Variants in AHRR observed in about 807,000 individuals in gnomAD.
The protein encoded by AHRR is ahR repressor.
Under a neutral mutation model 44.0 loss-of-function variants are expected in AHRR, and 28 were observed. That is an observed-to-expected ratio of 0.64 (90% CI 0.47 to 0.87). AHRR has a LOEUF of 0.87. Ranked by LOEUF, AHRR falls within the 40% of genes least tolerant of loss-of-function variation. The pLI is 0.00. For missense variants in AHRR, 990 were observed against 953.9 expected, an observed-to-expected ratio of 1.04 and a Z score of -0.50; for synonymous variants, 434 against 407.0, an observed-to-expected ratio of 1.07 and a Z score of -0.80.
At chr5:367,171 T>TG (rs1017173758) in intron 3 of AHRR, among the ~76,000 whole-genome samples, 19 of 152,332 alleles carry the variant, frequency 1.2e-4, no homozygotes, top group African/African-American at 4.3e-4. Flanking sequence ...AGTGAGTCCC[T>TG]GGGGGGTCGC....
intron 5 of AHRR, chr5:421,165 C>T: frequency 1.7e-6 from 1 of 585,458 alleles, no homozygotes; most frequent in Non-Finnish European, 3.0e-6. Context: ...TGGGAGGCCG[C>T]TCTGGCGCCC....
intron 4 of AHRR, among the ~76,000 whole-genome samples, chr5:379,527 T>C (rs1733892576): frequency 6.6e-6 from 1 of 152,258 alleles, no homozygotes; most frequent in Non-Finnish European, 1.5e-5. Context: ...TATTACTTTT[T>C]TCAAAGCCAT....
In AHRR at chr5:350,722, C is replaced by G. The variant is rs546850859; in HGVS notation, c.63-3008C>G. On this transcript the variant is annotated intron_variant, in intron 2 of 10. Transcript: ENST00000684583. ...AGGTCCAGGTCATCCCCAATTCTCC[C>G]GCCTATTTACATCTTGGCTAGCAGC... 4.0e-5 allele frequency among the ~76,000 whole-genome samples: 6 copies of G among 151,834 alleles called. No individual in the cohort carries two copies. The East Asian group carries it at 1.2e-3, about 29-fold the overall frequency.
intron 4 of AHRR, among the ~76,000 whole-genome samples, chr5:386,540 C>A (rs1471679274): frequency 1.3e-5 from 2 of 152,214 alleles, no homozygotes; most frequent in Non-Finnish European, 2.9e-5. Context: ...TGGCCCTGAG[C>A]CAAGGTGTGG....
intron 8 of AHRR, among the ~76,000 whole-genome samples, chr5:431,015 C>T (rs889916457): frequency 5.3e-5 from 8 of 152,234 alleles, no homozygotes; most frequent in East Asian, 3.8e-4. Context: ...ACAGGGACCA[C>T]GCAAACCCTG....
chr5:406,943 A>C lies in AHRR; in HGVS notation c.352-6401A>C, dbSNP rs1440171666. ...TAGGGCACCAGTTATTGAAAAGCCT[A>C]TCTCTGTCCCAGTGATTTGAGGTGA... On this transcript the variant is annotated intron_variant, in intron 4 of 10. Transcript: ENST00000684583. This position sits in a 1 kb window ranked among gnomAD's most constrained non-coding sequence, Gnocchi z 4.7. Among the ~76,000 whole-genome samples, 3 of 152,242 alleles carry C rather than the reference A, an allele frequency of 2.0e-5. No individual in the cohort carries two copies. Among genetic ancestry groups the C allele is most frequent in the Non-Finnish European group, 4.4e-5 (3 of 68,050 alleles).
intron 1 of AHRR, among the ~76,000 whole-genome samples, chr5:323,196 A>G (rs1741567300): frequency 6.6e-6 from 1 of 152,238 alleles, no homozygotes; most frequent in Non-Finnish European, 1.5e-5. Context: ...TGTCCCAGGC[A>G]GAGAAGAACG....
intron 4 of AHRR, among the ~76,000 whole-genome samples, chr5:377,173 G>A (rs1455577199): frequency 6.6e-6 from 1 of 152,146 alleles, no homozygotes; most frequent in Non-Finnish European, 1.5e-5. Context: ...AAGCTCTGTG[G>A]TGAGGGGGCT....
chr5:362,793 C>A (rs1743225639), intron 3 of AHRR, among the ~76,000 whole-genome samples: 1 of 152,246 alleles, frequency 6.6e-6, no homozygotes, highest in Non-Finnish European at 1.5e-5. Flanking sequence ...CCAAGAAGAG[C>A]AGGGGCTCAT....
At position 404,089 on chromosome 5, in the gene AHRR, T is replaced by A; in HGVS notation, c.352-9255T>A. On this transcript the variant is annotated intron_variant, in intron 4 of 10. Transcript: ENST00000684583. This position sits in a 1 kb window ranked among gnomAD's most constrained non-coding sequence, Gnocchi z 4.1. ...TCCAGCGTTTGAAGAAAAAGTCAGTTCCGTTGTCAGGGTTGGTCCAGGTTT... is the reference window on the plus strand; with the variant it reads ...TCCAGCGTTTGAAGAAAAAGTCAGTACCGTTGTCAGGGTTGGTCCAGGTTT... The A allele has an allele frequency of 1.6e-6, 1 of 629,886 alleles. No homozygotes were observed. The highest frequency in any genetic ancestry group is 3.0e-6 in the Non-Finnish European group (1 of 335,406). 39.0% of individuals were successfully genotyped at this position (629,886 alleles called of 1,614,324 possible).
intron 1 of AHRR, among the ~76,000 whole-genome samples, chr5:322,935 G>C (rs1043355862): frequency 1.3e-5 from 2 of 152,222 alleles, no homozygotes; most frequent in African/African-American, 4.8e-5. Flanking sequence ...GAACAGACAC[G>C]AGTTTTACCA....
intron 2 of AHRR, among the ~76,000 whole-genome samples, chr5:352,940 C>T (rs1038491552): frequency 6.6e-5 from 10 of 152,034 alleles, no homozygotes; most frequent in African/African-American, 2.4e-4. Flanking sequence ...AATGGGTCAG[C>T]TGTAGGGGAT....
intron 1 of AHRR, among the ~76,000 whole-genome samples, chr5:325,937 C>T (rs896343178): frequency 1.3e-5 from 2 of 151,860 alleles, no homozygotes; most frequent in Non-Finnish European, 2.9e-5. Flanking sequence ...CACCAGCCAC[C>T]ACGCCTGGCT....
In AHRR at chr5:353,762, C is replaced by A. The variant is rs374899705; in HGVS notation, c.95C>A (p.Pro32His). The A allele has an allele frequency of 2.5e-6, 4 of 1,612,820 alleles. No individual in the cohort carries two copies. Among genetic ancestry groups the A allele is most frequent in the Admixed American group, 3.3e-5 (2 of 59,976 alleles). ...GCCGTGGGGGCAGAGAAGTCCAACC[C>A]CTCCAAGCGACACCGGGACCGCCTC... ...RPAVGAEKSNPSKRHRDRLNA... is the reference protein window; with the variant it reads ...RPAVGAEKSNHSKRHRDRLNA... The change falls in exon 3 of 11, where the codon CCC becomes CAC. Residue 32 changes from proline to histidine, a missense_variant. Pro to His is a moderately conservative substitution (Grantham distance 77, BLOSUM62 -2). Coordinates refer to ENST00000684583, the MANE Select transcript of AHRR (RefSeq NM_001377236.1).
At chr5:345,396 C>G (rs1230911263) in intron 2 of AHRR, among the ~76,000 whole-genome samples, 6 of 58,916 alleles carry the variant, frequency 1.0e-4, no homozygotes, top group South Asian at 5.0e-4. Flanking sequence ...GTGTGTGTGT[C>G]GGATGATGTC....
rs1742332062 is a variant in AHRR, at chr5:341,036, G to C, written c.-10-2857G>C. Among the ~76,000 whole-genome samples the C allele has an allele frequency of 2.0e-5, 3 of 147,056 alleles. No homozygotes were observed. In the South Asian group the frequency reaches 6.5e-4, roughly 32 times the overall value. On this transcript the variant is annotated intron_variant, in intron 1 of 10. Transcript: ENST00000684583. ...TTTTCTTTTCTTTTCTTTTTTTTAG[G>C]CCAAATCTCGCTATGTCGCCCAGGC...
chr5:331,633 C>T (rs761095084), intron 1 of AHRR, among the ~76,000 whole-genome samples: 19 of 152,182 alleles, frequency 1.2e-4, no homozygotes, highest in Non-Finnish European at 2.2e-4. Flanking sequence ...CCCCAGGCCT[C>T]GGACCGGTAC....
intron 4 of AHRR, among the ~76,000 whole-genome samples, chr5:402,091 A>C (rs1240177911): frequency 1.3e-5 from 2 of 152,182 alleles, no homozygotes; most frequent in African/African-American, 4.8e-5. Context: ...TAAGGAACCC[A>C]GCCAACTCAA....
chr5:325,195 C>A (rs1436437046), intron 1 of AHRR, among the ~76,000 whole-genome samples: 4 of 152,238 alleles, frequency 2.6e-5, no homozygotes, highest in African/African-American at 4.8e-5. Context: ...CCCACCACCC[C>A]CCGACCCGCT....
Sources: gnomAD v4.1 joint callset for allele counts (sites outside exome capture counted in the v4.1 genomes callset) on GRCh38, gnomAD v4.1.1 for gene constraint, Gnocchi (gnomAD v3.1) non-coding constraint, MANE v1.5 for transcripts, NCBI Gene and HGNC (gene_info 2026-07-23, HGNC 2026-07-21) for gene names.